The following CLIC4 variants were observed in gnomAD, a reference collection of about 807,000 sequenced individuals.
CLIC4 encodes CLIC family member 4.
In CLIC4, 13 loss-of-function variants were observed where a neutral mutation model predicts 24.6. That is an observed-to-expected ratio of 0.53 (90% CI 0.34 to 0.84). The LOEUF is 0.84. Among genes scored for constraint, CLIC4 ranks in the 40% least tolerant of loss-of-function variants. CLIC4 has a pLI of 0.01. For synonymous variants in CLIC4, 104 were observed against 111.3 expected, an observed-to-expected ratio of 0.93 and a Z score of 0.41; for missense variants, 227 against 301.7, an observed-to-expected ratio of 0.75 and a Z score of 1.83.
chr1:24,817,254 C>CTAGATAGATCAGCTA (rs1553193850), intron 3 of CLIC4, among the ~76,000 whole-genome samples: 1 of 150,450 alleles, frequency 6.6e-6, no homozygotes, highest in African/African-American at 2.5e-5. Context: ...GAAGGAAGAT[C>CTAGATAGATCAGCTA]TAGATAGATC....
At position 24,769,411 on chromosome 1, in the gene CLIC4, A is replaced by G. The variant is rs543883522; in HGVS notation, c.72+23786A>G. 2.0e-5 allele frequency among the ~76,000 whole-genome samples: 3 copies of G among 152,324 alleles called. No homozygotes were observed. The South Asian group carries it at 6.2e-4, about 32-fold the overall frequency. Reference sequence around the variant, plus strand: ...ATTTAATCCTCATATAAACTTTGAAATAGGTGCTATCAATACTGTTTAACA... The same window carrying G: ...ATTTAATCCTCATATAAACTTTGAAGTAGGTGCTATCAATACTGTTTAACA... On this transcript the variant is annotated intron_variant, in intron 1 of 5. Transcript: ENST00000374379.
At chr1:24,800,399 G>T (rs539740192) in intron 2 of CLIC4, among the ~76,000 whole-genome samples, 24 of 148,552 alleles carry the variant, frequency 1.6e-4, no homozygotes, top group South Asian at 8.6e-4. Context: ...AGGTGGGGGG[G>T]TCAGCCCCCA....
At chr1:24,770,299 G>A (rs1362729083) in intron 1 of CLIC4, among the ~76,000 whole-genome samples, 1 of 150,760 alleles carries the variant, frequency 6.6e-6, no homozygotes, top group South Asian at 2.1e-4. Flanking sequence ...CCCCTTCAGA[G>A]GTTGGTAGAA....
chr1:24,804,674 G>T (rs1054778191), intron 2 of CLIC4, among the ~76,000 whole-genome samples: 8 of 151,962 alleles, frequency 5.3e-5, no homozygotes, highest in South Asian at 2.1e-4. Flanking sequence ...TTTTTAAGAC[G>T]ATTTCAAAGA....
rs185952624 is a variant in CLIC4, at chr1:24,817,379, T to C, written c.308+3160T>C. 2.3e-4 allele frequency among the ~76,000 whole-genome samples: 35 copies of C among 152,274 alleles called. No homozygotes were observed. In the East Asian group the frequency reaches 6.0e-3, roughly 26 times the overall value. Reference sequence around the variant, plus strand: ...CATTTGCTGCTTCATGTTTTACTTTTATGTTACAAAGATGGCCTCTTTCCT... The same window carrying C: ...CATTTGCTGCTTCATGTTTTACTTTCATGTTACAAAGATGGCCTCTTTCCT... On this transcript the variant is annotated intron_variant, in intron 3 of 5. Transcript: ENST00000374379.
intron 1 of CLIC4, among the ~76,000 whole-genome samples, chr1:24,789,552 T>A (rs1477857238): frequency 6.6e-6 from 1 of 152,102 alleles, no homozygotes; most frequent in Non-Finnish European, 1.5e-5. Context: ...CCTGGAAATA[T>A]ATAAGAAGTA....
At chr1:24,802,379 TTATATA>T (rs956224275) in intron 2 of CLIC4, among the ~76,000 whole-genome samples, 4 of 152,160 alleles carry the variant, frequency 2.6e-5, no homozygotes, top group African/African-American at 7.2e-5. Context: ...TGTTAAGTGT[TTATATA>T]TATAAAAAGT....
intron 1 of CLIC4, among the ~76,000 whole-genome samples, chr1:24,752,939 T>G (rs912617390): frequency 6.6e-6 from 1 of 152,134 alleles, no homozygotes; most frequent in Admixed American, 6.6e-5. Context: ...GTCAGGATGG[T>G]CTCGATCTCC....
At chr1:24,778,533 T>C (rs548063262) in intron 1 of CLIC4, among the ~76,000 whole-genome samples, 1 of 152,326 alleles carries the variant, frequency 6.6e-6, no homozygotes, top group Non-Finnish European at 1.5e-5. Flanking sequence ...GTCCTTTTTT[T>C]TCTTTCTTTC....
intron 1 of CLIC4, among the ~76,000 whole-genome samples, chr1:24,766,297 C>G (rs1033681965): frequency 8.6e-5 from 13 of 151,770 alleles, no homozygotes; most frequent in African/African-American, 3.1e-4. Flanking sequence ...GGCACCACGC[C>G]CGGCCTATAT....
chr1:24,747,898 G>C (rs891765103), intron 1 of CLIC4, among the ~76,000 whole-genome samples: 2 of 152,006 alleles, frequency 1.3e-5, no homozygotes, highest in Non-Finnish European at 2.9e-5. Flanking sequence ...AGCCAGGCAT[G>C]GTGGTGGGCC....
chr1:24,752,505 G>A (rs1022833905), intron 1 of CLIC4, among the ~76,000 whole-genome samples: 1 of 152,114 alleles, frequency 6.6e-6, no homozygotes, highest in East Asian at 1.9e-4. Context: ...GTTGCCAGTG[G>A]GGGGTGGAAA....
chr1:24,794,796 G>A (rs575089962), intron 1 of CLIC4, among the ~76,000 whole-genome samples: 1 of 152,266 alleles, frequency 6.6e-6, no homozygotes, highest in South Asian at 2.1e-4. Flanking sequence ...GCACTGACTA[G>A]GTTGTCTTCC....
chr1:24,747,613 A>T (rs958080805), intron 1 of CLIC4, among the ~76,000 whole-genome samples: 1 of 151,778 alleles, frequency 6.6e-6, no homozygotes, highest in African/African-American at 2.4e-5. Context: ...TGGGCCAGAG[A>T]TGAGTTAAAA....
chr1:24,827,866 A>G (rs1639802498), intron 4 of CLIC4, among the ~76,000 whole-genome samples: 1 of 152,082 alleles, frequency 6.6e-6, no homozygotes, highest in East Asian at 1.9e-4. Context: ...GCATTTAGTA[A>G]TTTCCTTTTC....
At chr1:24,820,067 G>GTGTATATATATATATATA (rs1212033050) in intron 3 of CLIC4, among the ~76,000 whole-genome samples, 1,076 of 36,294 alleles carry the variant, frequency 0.03, 244 homozygotes, top group Non-Finnish European at 0.044. Flanking sequence ...AAAAAAGTAT[G>GTGTATATATATATATATA]TATATATATA....
chr1:24,756,375 T>G (rs2124083850), intron 1 of CLIC4, among the ~76,000 whole-genome samples: 1 of 152,354 alleles, frequency 6.6e-6, no homozygotes, highest in East Asian at 1.9e-4. Flanking sequence ...ATATATTTTG[T>G]ACCTTTAAGC....
At chr1:24,788,093 C>G (rs144043261) in intron 1 of CLIC4, among the ~76,000 whole-genome samples, 3,084 of 152,090 alleles carry the variant, frequency 0.02, 99 homozygotes, top group African/African-American at 0.071. Flanking sequence ...ACCTCGTGAT[C>G]TGCCTGCCTC....
At chr1:24,791,283 G>A (rs1639330858) in intron 1 of CLIC4, among the ~76,000 whole-genome samples, 1 of 152,174 alleles carries the variant, frequency 6.6e-6, no homozygotes, top group African/African-American at 2.4e-5. Flanking sequence ...AGTGTAGGAT[G>A]CTTTCCATTG....
Sources: allele counts gnomAD v4.1 joint callset (sites outside exome capture counted in the v4.1 genomes callset), GRCh38; gene constraint gnomAD v4.1.1; transcripts MANE v1.5; gene names NCBI Gene and HGNC (gene_info 2026-07-23, HGNC 2026-07-21).